KIDINS220: variants seen among roughly 807,000 people sequenced by gnomAD.
The protein encoded by KIDINS220 is kinase D interacting substrate 220, also known as kinase D-interacting substrate of 220 kDa.
Under a neutral mutation model 157.6 loss-of-function variants are expected in KIDINS220, and 63 were observed. The ratio of observed to expected loss-of-function variants is 0.40; its 90% CI spans 0.33 to 0.49. The LOEUF (loss-of-function observed/expected upper bound fraction) is 0.49. Among genes scored for constraint, KIDINS220 ranks in the 20% least tolerant of loss-of-function variants. The pLI is 0.66. For missense variants in KIDINS220, 1,772 were observed against 2,171.2 expected, an observed-to-expected ratio of 0.82 and a Z score of 3.65; for synonymous variants, 732 against 783.6, an observed-to-expected ratio of 0.93 and a Z score of 1.10.
At chr2:8,782,617 C>G (rs1034279432) in intron 17 of KIDINS220, among the ~76,000 whole-genome samples, 10 of 152,178 alleles carry the variant, frequency 6.6e-5, no homozygotes, top group African/African-American at 2.4e-4. Context: ...TATACCAACT[C>G]TACATAGGAT....
At chr2:8,780,844 A>G (rs796791292) in intron 17 of KIDINS220, among the ~76,000 whole-genome samples, 4 of 152,088 alleles carry the variant, frequency 2.6e-5, no homozygotes, top group African/African-American at 9.6e-5. Context: ...TAAAAGCATA[A>G]AAGACAAAAA....
intron 21 of KIDINS220, among the ~76,000 whole-genome samples, chr2:8,773,468 G>A (rs189474463): frequency 3.4e-4 from 51 of 151,134 alleles, no homozygotes; most frequent in Admixed American, 3.3e-3. Context: ...CCAGGGGCTA[G>A]ATTTTTTCTT....
Position 8,820,979 on chromosome 2 carries a change from G to T in KIDINS220, c.109-2186C>A, listed in dbSNP as rs921501647. ...TAAAGCAACAAACTCTAAATCCACA[G>T]TCCTGAGAATACATCAATTTTACAT... On this transcript the variant is annotated intron_variant, in intron 2 of 29. Transcript: ENST00000256707. 1.2e-4 allele frequency among the ~76,000 whole-genome samples: 19 copies of T among 152,036 alleles called. 1 individual carries two copies. The highest frequency in any genetic ancestry group is 4.1e-4 in the African/African-American group (17 of 41,394).
chr2:8,746,171 C>T (rs895801262), intron 26 of KIDINS220, among the ~76,000 whole-genome samples: 5 of 150,578 alleles, frequency 3.3e-5, no homozygotes, highest in East Asian at 2.0e-4. Context: ...GGTGCGATCT[C>T]GGCTCACTGC....
At chr2:8,790,174 G>T (rs1672999998) in intron 13 of KIDINS220, 115 bp from the exon 14 acceptor site, 2 of 899,574 alleles carry the variant, frequency 2.2e-6, no homozygotes, top group Non-Finnish European at 3.3e-6. Context: ...CACTTAGTAG[G>T]TCCCTAGATG....
At chr2:8,759,640 T>G (rs1254197795) in intron 22 of KIDINS220, among the ~76,000 whole-genome samples, 1 of 151,068 alleles carries the variant, frequency 6.6e-6, no homozygotes, top group Non-Finnish European at 1.5e-5. Context: ...AAGGGGTATC[T>G]GCCTAGGTTC....
At chr2:8,804,708 G>T (rs1455647733) in intron 7 of KIDINS220, among the ~76,000 whole-genome samples, 1 of 152,182 alleles carries the variant, frequency 6.6e-6, no homozygotes, top group Non-Finnish European at 1.5e-5. Flanking sequence ...GATTTGAACA[G>T]TTTATTAAAC....
At position 8,819,023 on chromosome 2, in the gene KIDINS220, T is replaced by C. The variant is rs1438546844; in HGVS notation, c.109-230A>G. Among the ~76,000 whole-genome samples the C allele has an allele frequency of 3.9e-5, 6 of 152,166 alleles. 1 individual carries two copies. Among genetic ancestry groups the C allele is most frequent in the Admixed American group, 2.6e-4 (4 of 15,276 alleles). On this transcript the variant is annotated intron_variant, in intron 2 of 29. Transcript: ENST00000256707. ...TTCTTCCCACAGTATTAATAATCTG[T>C]TTTTGGCACTGCAAATTCATTTAAA... is the stretch of plus-strand genomic sequence containing the variant.
Position 8,730,461 on chromosome 2 carries a change from G to T in KIDINS220, c.*259C>A. 7.8e-7 allele frequency: 1 copy of T among 1,283,764 alleles called. No homozygotes were observed. The allele number at this position is 1,283,764 out of a possible 1,614,324, so 79.5% of individuals were successfully genotyped here. ...CACCTCGTCTCAAAAAGTTTTATGG[G>T]GTAATGCGCCAATGAAAGGTACAGT... is the stretch of plus-strand genomic sequence containing the variant. On this transcript the variant is annotated 3_prime_UTR_variant, in exon 30 of 30. Coordinates refer to ENST00000256707, the MANE Select transcript of KIDINS220 (RefSeq NM_020738.4).
chr2:8,726,602 C>T (rs548813678), downstream of KIDINS220, among the ~76,000 whole-genome samples: 1 of 152,302 alleles, frequency 6.6e-6, no homozygotes, highest in African/African-American at 2.4e-5. Flanking sequence ...GTCGTGGGAG[C>T]ATCACAGAGC....
intron 1 of KIDINS220, 84 bp from the exon 2 acceptor site, chr2:8,827,213 C>T (rs1328208566): frequency 1.8e-6 from 1 of 564,936 alleles, no homozygotes; most frequent in African/African-American, 1.9e-5. Context: ...TTAACATTAA[C>T]CTCATGCAAG....
chr2:8,723,560 C>T (rs1440154106), downstream of KIDINS220: 1 of 152,166 alleles, frequency 6.6e-6, no homozygotes, highest in African/African-American at 2.4e-5. Flanking sequence ...CATATGAAAT[C>T]CCGGGATAAC....
chr2:8,746,368 A>T (rs940542234), intron 26 of KIDINS220: 14 of 151,974 alleles, frequency 9.2e-5, no homozygotes, highest in African/African-American at 3.4e-4. Flanking sequence ...GGCCTCCCAA[A>T]GTGCTGGGAT....
intron 1 of KIDINS220, among the ~76,000 whole-genome samples, chr2:8,836,844 T>C (rs757981319): frequency 2.0e-5 from 3 of 152,196 alleles, no homozygotes; most frequent in Admixed American, 1.3e-4. Flanking sequence ...GGCTGCATAG[T>C]TATTCATAAA....
At chr2:8,776,216 C>T (rs1670941802) in intron 21 of KIDINS220, among the ~76,000 whole-genome samples, 1 of 151,880 alleles carries the variant, frequency 6.6e-6, no homozygotes, top group Admixed American at 6.6e-5. Flanking sequence ...TACAAAGTAC[C>T]AACCAATACC....
chr2:8,766,824 G>T (rs1225348670), intron 22 of KIDINS220, among the ~76,000 whole-genome samples: 1 of 152,186 alleles, frequency 6.6e-6, no homozygotes, highest in Non-Finnish European at 1.5e-5. Flanking sequence ...AAGTAGGCAT[G>T]ATTTAAAGAT....
intron 21 of KIDINS220, among the ~76,000 whole-genome samples, chr2:8,774,822 C>A (rs573287203): frequency 7.9e-5 from 12 of 152,096 alleles, no homozygotes; most frequent in Non-Finnish European, 1.8e-4. Context: ...AATGAGGACA[C>A]ATTACAGAGT....
rs2147963716 is a variant in KIDINS220, at chr2:8,734,709, C to T, written c.3762G>A (p.Glu1254=). ...GRVLAQCNID[E]LKKEMNMNFG... The stretch of plus-strand genomic sequence containing the variant: ...AATTCATATTCATCTCTTTCTTCAG[C>T]TCATCAATGTTACACTGAGCTAACA... The change falls in exon 28 of 30, where the codon GAG becomes GAA. Residue 1254 remains glutamate (E), a synonymous_variant. Transcript: ENST00000256707. 6.2e-7 allele frequency: 1 copy of T among 1,613,562 alleles called. No individual in the cohort carries two copies. The highest frequency in any genetic ancestry group is 8.5e-7 in the Non-Finnish European group (1 of 1,179,876).
chr2:8,744,363 CAAAAAAAAAAAAAA>C (rs547083543), intron 26 of KIDINS220, among the ~76,000 whole-genome samples: 8 of 9,334 alleles, frequency 8.6e-4, no homozygotes, highest in African/African-American at 3.7e-3. Flanking sequence ...TTCCTCATGG[CAAAAAAAAAAAAAA>C]AAAAAAAAAA....
Sources: allele counts gnomAD v4.1 joint callset (sites outside exome capture counted in the v4.1 genomes callset), GRCh38; gene constraint gnomAD v4.1.1; transcripts MANE v1.5; gene names NCBI Gene and HGNC (gene_info 2026-07-23, HGNC 2026-07-21).